SBF2: variants seen among roughly 807,000 people sequenced by gnomAD.
The protein encoded by SBF2 is myotubularin-related protein 13.
A neutral mutation model predicts 225.2 loss-of-function variants in SBF2; 112 were observed. The ratio of observed to expected loss-of-function variants is 0.50; its 90% CI spans 0.43 to 0.58. The LOEUF (loss-of-function observed/expected upper bound fraction) is 0.58, where lower values mean the gene tolerates loss of function less well. Ranked by LOEUF, SBF2 falls within the 20% of genes least tolerant of loss-of-function variation. The pLI is 0.00. For missense variants in SBF2, 1,996 were observed against 2,206.2 expected, an observed-to-expected ratio of 0.90 and a Z score of 1.91; for synonymous variants, 763 against 773.3, an observed-to-expected ratio of 0.99 and a Z score of 0.22.
chr11:10,056,627 G>A (rs1192889501), intron 2 of SBF2, among the ~76,000 whole-genome samples: 1 of 152,194 alleles, frequency 6.6e-6, no homozygotes, highest in Non-Finnish European at 1.5e-5. Context: ...TTTATTAGCT[G>A]AAGAAGCAGT....
chr11:9,858,823 A>G lies in SBF2; in HGVS notation c.1930-427T>C, dbSNP rs895763156. Among the ~76,000 whole-genome samples, 5 of 152,186 alleles carry G rather than the reference A, an allele frequency of 3.3e-5. No individual in the cohort carries two copies. In the East Asian group the frequency reaches 9.6e-4, roughly 29 times the overall value. On this transcript the variant is annotated intron_variant, in intron 17 of 39. Transcript: ENST00000256190. The stretch of plus-strand genomic sequence containing the variant: ...TTAAAGAGACAGCAACTGAAATATG[A>G]GTGAACCTACAGCTTGGCCTTACAC...
At chr11:10,178,986 T>C (rs56216311) in intron 2 of SBF2, among the ~76,000 whole-genome samples, 40,679 of 115,622 alleles carry the variant, frequency 0.35, 10,318 homozygotes, top group Non-Finnish European at 0.46. Flanking sequence ...AAATGTGGCA[T>C]GTATACACCA....
chr11:9,914,988 A>G (rs1012884971), intron 16 of SBF2, among the ~76,000 whole-genome samples: 11 of 152,136 alleles, frequency 7.2e-5, no homozygotes, highest in Non-Finnish European at 1.6e-4. Context: ...TGTGAACTAA[A>G]AACTGTTTTA....
chr11:10,214,967 C>T (rs954537993), intron 1 of SBF2, among the ~76,000 whole-genome samples: 1 of 152,158 alleles, frequency 6.6e-6, no homozygotes, highest in African/African-American at 2.4e-5. Flanking sequence ...CTCCTAGAAA[C>T]AACTCCTAGC....
chr11:9,929,657 C>T (rs1359804810), intron 16 of SBF2, among the ~76,000 whole-genome samples: 7 of 152,156 alleles, frequency 4.6e-5, no homozygotes, highest in Non-Finnish European at 1.0e-4. Context: ...TGTCACACAA[C>T]CAATGCTTCA....
chr11:9,816,930 C>T lies in SBF2; in HGVS notation c.3888G>A (p.Ser1296=), dbSNP rs375669985. ...VGARLAGKDH[S]ASFSNSSYLQ... is the part of the protein sequence containing the mutation. ...GGTAGCTGCTGTTACTGAAGGAGGC[C>T]GAGTGATCCTTGCCTGCCAGCCGGG... is the stretch of plus-strand genomic sequence containing the variant. The change falls in exon 29 of 40, where the codon TCG becomes TCA. Residue 1296 remains serine (S), a synonymous_variant. Coordinates refer to ENST00000256190, the MANE Select transcript of SBF2 (RefSeq NM_030962.4). The T allele has an allele frequency of 1.0e-4, 162 of 1,613,958 alleles. 1 individual carries two copies. The highest frequency in any genetic ancestry group is 6.8e-4 in the Admixed American group (41 of 59,988).
chr11:9,967,981 A>G (rs1374476774), intron 14 of SBF2, among the ~76,000 whole-genome samples: 1 of 134,116 alleles, frequency 7.5e-6, no homozygotes, highest in Non-Finnish European at 1.5e-5. Flanking sequence ...CTATATATAT[A>G]TATATATATA....
chr11:9,880,994 T>G (rs1202179681), intron 17 of SBF2, among the ~76,000 whole-genome samples: 1 of 152,164 alleles, frequency 6.6e-6, no homozygotes, highest in Non-Finnish European at 1.5e-5. Context: ...ATCCTTTTAC[T>G]GCCTACAGAA....
At chr11:10,182,362 G>A (rs1276547918) in intron 2 of SBF2, among the ~76,000 whole-genome samples, 1 of 152,094 alleles carries the variant, frequency 6.6e-6, no homozygotes, top group Non-Finnish European at 1.5e-5. Flanking sequence ...AGCAAATTAT[G>A]TATTTAAATA....
At chr11:10,200,151 C>G (rs558927113) in intron 1 of SBF2, among the ~76,000 whole-genome samples, 26 of 152,136 alleles carry the variant, frequency 1.7e-4, no homozygotes, top group Non-Finnish European at 2.9e-4. Context: ...GACTCAGGAT[C>G]CAGGTTACCT....
chr11:10,090,882 C>A lies in SBF2; in HGVS notation c.142-47901G>T, dbSNP rs943721053. ...CAGAATGCTAAATAAAATGCAATTC[C>A]TTTTTTCTTCTTCAATTTCCAGCTC... is the stretch of plus-strand genomic sequence containing the variant. On this transcript the variant is annotated intron_variant, in intron 2 of 39. Coordinates refer to ENST00000256190, the MANE Select transcript of SBF2 (RefSeq NM_030962.4). 2.0e-5 allele frequency among the ~76,000 whole-genome samples: 3 copies of A among 151,352 alleles called. No homozygotes were observed. In the South Asian group the frequency reaches 6.3e-4, roughly 32 times the overall value.
At chr11:10,149,145 T>G (rs1438147507) in intron 2 of SBF2, 1 of 152,450 alleles carries the variant, frequency 6.6e-6, no homozygotes, top group Non-Finnish European at 1.5e-5. Flanking sequence ...TTCTCAAATC[T>G]GCTTTATTTT....
At chr11:10,194,117 T>C (rs1029102388) in intron 1 of SBF2, 130 bp from the exon 2 acceptor site, 9 of 744,222 alleles carry the variant, frequency 1.2e-5, no homozygotes, top group Non-Finnish European at 1.9e-5. Context: ...TTTTCAAGTT[T>C]TAAAAAACAT....
chr11:9,782,165 A>G (rs1852050731), intron 38 of SBF2, among the ~76,000 whole-genome samples: 1 of 136,446 alleles, frequency 7.3e-6, no homozygotes, highest in African/African-American at 2.8e-5. Flanking sequence ...AGCCTGAGTA[A>G]GACCCTGTCT....
At chr11:9,891,259 A>G (rs1860789971) in intron 17 of SBF2, among the ~76,000 whole-genome samples, 1 of 152,158 alleles carries the variant, frequency 6.6e-6, no homozygotes, top group Non-Finnish European at 1.5e-5. Context: ...TTTCTGCTCT[A>G]CTGGGTTTTA....
intron 32 of SBF2, among the ~76,000 whole-genome samples, chr11:9,805,300 T>C (rs1404259451): frequency 6.6e-6 from 1 of 151,922 alleles, no homozygotes; most frequent in Non-Finnish European, 1.5e-5. Context: ...CCCTTTGAGA[T>C]TGCCTTTTTT....
intron 6 of SBF2, among the ~76,000 whole-genome samples, chr11:10,024,394 T>C (rs1041615543): frequency 6.6e-6 from 1 of 152,316 alleles, no homozygotes; most frequent in East Asian, 1.9e-4. Flanking sequence ...CTATTAGCCA[T>C]GAATAAGAGG....
chr11:9,968,554 T>C lies in SBF2; in HGVS notation c.1396-9A>G, dbSNP rs548520529. ...TGAGGATTTGGATTCTCCTGTAATA[T>C]CAGACATAGGTAAAATTACTCCAAG... On this transcript the variant is annotated splice_polypyrimidine_tract_variant and intron_variant, in intron 13 of 39. Transcript: ENST00000256190. 4 of 1,608,020 alleles carry C rather than the reference T, an allele frequency of 2.5e-6. No individual in the cohort carries two copies. Among genetic ancestry groups the C allele is most frequent in the Non-Finnish European group, 2.6e-6 (3 of 1,174,460 alleles).
At chr11:9,838,432 C>T (rs867478037) in intron 26 of SBF2, 6 of 152,180 alleles carry the variant, frequency 3.9e-5, no homozygotes, top group Middle Eastern at 6.8e-3. Flanking sequence ...CATCACACCC[C>T]GACAACATGA....
Sources: allele counts gnomAD v4.1 joint callset (sites outside exome capture counted in the v4.1 genomes callset), GRCh38; gene constraint gnomAD v4.1.1; transcripts MANE v1.5; gene names NCBI Gene and HGNC (gene_info 2026-07-23, HGNC 2026-07-21).